Variants in EML6 observed in about 807,000 individuals in gnomAD.
EML6 encodes the protein EMAP like 6.
A neutral mutation model predicts 240.1 loss-of-function variants in EML6; 154 were observed. The observed-to-expected ratio is 0.64, with a 90% CI of 0.56 to 0.73. The LOEUF (loss-of-function observed/expected upper bound fraction) is 0.73, where lower values mean the gene tolerates loss of function less well. EML6 is among the 30% of genes least tolerant of loss of function. EML6 has a pLI of 0.00. For synonymous variants in EML6, 1,148 were observed against 899.0 expected, an observed-to-expected ratio of 1.28 and a Z score of -4.95; for missense variants, 2,964 against 2,474.6, an observed-to-expected ratio of 1.20 and a Z score of -4.20.
At chr2:54,967,643 G>C (rs1676807342) in intron 39 of EML6, among the ~76,000 whole-genome samples, 1 of 151,942 alleles carries the variant, frequency 6.6e-6, no homozygotes, top group African/African-American at 2.4e-5. Context: ...AGGGGGAACA[G>C]TAAGAGCTGG....
intron 2 of EML6, among the ~76,000 whole-genome samples, chr2:54,791,115 CA>C (rs886881372): frequency 5.3e-5 from 8 of 152,122 alleles, no homozygotes; most frequent in Non-Finnish European, 1.2e-4. Context: ...ATAAATATTA[CA>C]AAAAATATAA....
At chr2:54,900,910 G>T (rs1476435825) in intron 22 of EML6, among the ~76,000 whole-genome samples, 1 of 152,170 alleles carries the variant, frequency 6.6e-6, no homozygotes, top group East Asian at 1.9e-4. Flanking sequence ...ACGAGCTGAG[G>T]CTTGAAGGAT....
At position 54,952,603 on chromosome 2, in the gene EML6, G is replaced by A; in HGVS notation, c.4223G>A (p.Ser1408Asn). 1 of 1,550,362 alleles carries A rather than the reference G, an allele frequency of 6.5e-7. No individual in the cohort carries two copies. The highest frequency in any genetic ancestry group is 8.7e-7 in the Non-Finnish European group (1 of 1,146,154). The change falls in exon 31 of 42, where the codon AGC becomes AAC. Residue 1408 changes from serine (S) to asparagine (N), a missense_variant. Ser to Asn is a conservative substitution (Grantham distance 46). Coordinates refer to ENST00000356458, the MANE Select transcript of EML6 (RefSeq NM_001039753.4). ...GATCTCTCTCCCCCAGGGAGCCAGA[G>A]CTTCTATCTGGAGCACACAGATGAC... is the stretch of plus-strand genomic sequence containing the variant. ...IVQNLSTGSQ[S>N]FYLEHTDDIL...
At chr2:54,736,101 G>A (rs1399164570) in intron 2 of EML6, among the ~76,000 whole-genome samples, 1 of 152,206 alleles carries the variant, frequency 6.6e-6, no homozygotes, top group Non-Finnish European at 1.5e-5. Flanking sequence ...AATGACAGAT[G>A]AGAGTGAGGA....
At chr2:54,766,719 C>A (rs910991161) in intron 2 of EML6, among the ~76,000 whole-genome samples, 2 of 151,994 alleles carry the variant, frequency 1.3e-5, no homozygotes, top group Non-Finnish European at 2.9e-5. Context: ...GGAGTTTTAG[C>A]ATCAACTGAT....
At chr2:54,845,740 A>G (rs982260073) in intron 8 of EML6, among the ~76,000 whole-genome samples, 4 of 152,158 alleles carry the variant, frequency 2.6e-5, no homozygotes, top group Non-Finnish European at 5.9e-5. Context: ...TGCACAGTAC[A>G]GGCTGCCTAA....
intron 28 of EML6, among the ~76,000 whole-genome samples, chr2:54,929,386 T>C (rs373750604): frequency 7.8e-4 from 119 of 152,324 alleles, no homozygotes; most frequent in African/African-American, 2.5e-3. Context: ...TCAAACACTT[T>C]AGCATTTCTA....
At chr2:54,834,983 G>T (rs183803111) in intron 7 of EML6, among the ~76,000 whole-genome samples, 1 of 152,280 alleles carries the variant, frequency 6.6e-6, no homozygotes, top group African/African-American at 2.4e-5. Context: ...CACAGTCAAA[G>T]TCCTTATGGC....
chr2:54,820,244 C>G, intron 4 of EML6, 150 bp from the exon 5 acceptor site: 1 of 585,562 alleles, frequency 1.7e-6, no homozygotes. Context: ...TAGTTCCTGA[C>G]TCATTCCAAG....
Position 54,854,555 on chromosome 2 carries a change from C to T in EML6, c.1657+700C>T, listed in dbSNP as rs527613892. On this transcript the variant is annotated intron_variant, in intron 11 of 41. Transcript: ENST00000356458. ...GACTCCTCAACTGTGCCTGAAAATC[C>T]GATCTTAGAAAAGTAATCAACAGGG... Among the ~76,000 whole-genome samples, 7 of 152,262 alleles carry T rather than the reference C, an allele frequency of 4.6e-5. No individual in the cohort carries two copies. In the Middle Eastern group the frequency reaches 0.014, roughly 296 times the overall value.
intron 2 of EML6, among the ~76,000 whole-genome samples, chr2:54,772,845 G>A (rs1458860554): frequency 6.6e-6 from 1 of 152,222 alleles, no homozygotes; most frequent in African/African-American, 2.4e-5. Context: ...GTCGACGAGG[G>A]TGATGACATT....
At chr2:54,726,315 C>T (rs1486602395) in intron 2 of EML6, among the ~76,000 whole-genome samples, 4 of 152,210 alleles carry the variant, frequency 2.6e-5, no homozygotes, top group Non-Finnish European at 4.4e-5. Flanking sequence ...CACTTTTGCT[C>T]TAAGTTTGTC....
In EML6 at chr2:54,892,528, G is replaced by A. The variant is rs926966886; in HGVS notation, c.2614G>A (p.Gly872Arg). The A allele has an allele frequency of 9.7e-6, 15 of 1,551,266 alleles. No homozygotes were observed. The highest frequency in any genetic ancestry group is 2.4e-5 in the East Asian group (1 of 40,924). ...GGAAACAATGATGTGTGTTTCTTACGGACGAATGGAAGATCTAGTGTTCTC... is the reference window on the plus strand; with the variant it reads ...GGAAACAATGATGTGTGTTTCTTACAGACGAATGGAAGATCTAGTGTTCTC... ...KLETMMCVSY[G>R]RMEDLVFSGA... The change falls in exon 19 of 42, where the codon GGA becomes AGA. Residue 872 changes from glycine to arginine, a missense_variant. Gly to Arg is a moderately radical substitution (Grantham distance 125). Coordinates refer to ENST00000356458, the MANE Select transcript of EML6 (RefSeq NM_001039753.4).
chr2:54,949,043 C>G, intron 29 of EML6, 83 bp downstream of exon 29: 1 of 1,034,418 alleles, frequency 9.7e-7, no homozygotes, highest in Non-Finnish European at 1.5e-6. Context: ...GTCCCAAAGA[C>G]ACAGTCAAAT....
chr2:54,964,219 T>C, intron 37 of EML6, 61 bp downstream of exon 37: 2 of 1,495,332 alleles, frequency 1.3e-6, no homozygotes, highest in South Asian at 2.6e-5. Context: ...TACCAGTGGT[T>C]CCCATTCCAG....
chr2:54,862,335 C>A (rs1356441768), intron 12 of EML6, among the ~76,000 whole-genome samples: 1 of 83,030 alleles, frequency 1.2e-5, no homozygotes, highest in Non-Finnish European at 2.1e-5. Flanking sequence ...ATGACTCCAT[C>A]TCTAAAAAAA....
intron 14 of EML6, 47 bp downstream of exon 14, chr2:54,866,931 C>T: frequency 8.8e-7 from 1 of 1,138,564 alleles, no homozygotes. Context: ...CTGTCTCTGC[C>T]TGGCTGTCAC....
chr2:54,876,961 T>A (rs564315037), intron 16 of EML6, among the ~76,000 whole-genome samples: 1 of 151,692 alleles, frequency 6.6e-6, no homozygotes, highest in South Asian at 2.1e-4. Context: ...TTGTACTCAC[T>A]CTTGACTCAT....
At chr2:54,762,472 T>G (rs971445595) in intron 2 of EML6, among the ~76,000 whole-genome samples, 3 of 152,202 alleles carry the variant, frequency 2.0e-5, no homozygotes, top group Admixed American at 6.5e-5. Flanking sequence ...TGAGTGGAAG[T>G]GCTTTTTAAG....
Sources: gnomAD v4.1 joint callset for allele counts (sites outside exome capture counted in the v4.1 genomes callset) on GRCh38, gnomAD v4.1.1 for gene constraint, MANE v1.5 for transcripts, NCBI Gene and HGNC (gene_info 2026-07-23, HGNC 2026-07-21) for gene names.